HDHD2: variants seen among roughly 807,000 people sequenced by gnomAD.
HDHD2 encodes the protein haloacid dehalogenase like hydrolase domain containing 2.
A neutral mutation model predicts 24.8 loss-of-function variants in HDHD2; 26 were observed. The observed-to-expected ratio is 1.05, with a 90% CI of 0.77 to 1.45. The LOEUF (loss-of-function observed/expected upper bound fraction) is 1.45. Among genes scored for constraint, HDHD2 ranks in the 40% most tolerant of loss-of-function variants. HDHD2 has a pLI of 0.00. For missense variants in HDHD2, 299 were observed against 313.4 expected, an observed-to-expected ratio of 0.95 and a Z score of 0.35; for synonymous variants, 128 against 114.9, an observed-to-expected ratio of 1.11 and a Z score of -0.73.
intron 1 of HDHD2, among the ~76,000 whole-genome samples, chr18:47,143,211 G>A (rs1360296119): frequency 6.6e-6 from 1 of 152,142 alleles, no homozygotes; most frequent in Non-Finnish European, 1.5e-5. Flanking sequence ...CAGCACTTTG[G>A]GTGGCTGAGG....
chr18:47,115,054 T>C (rs2063546633), intron 5 of HDHD2, 78 bp downstream of exon 5: 2 of 974,054 alleles, frequency 2.1e-6, no homozygotes, highest in Admixed American at 3.7e-5. Context: ...ATGTCCCCTT[T>C]CCTAAAGCAG....
intron 6 of HDHD2, chr18:47,111,920 C>A: frequency 2.1e-6 from 1 of 470,142 alleles, no homozygotes; most frequent in Non-Finnish European, 2.8e-6. Context: ...TGTAAACAGC[C>A]AATTAAATAG....
intron 4 of HDHD2, among the ~76,000 whole-genome samples, chr18:47,127,635 G>A (rs1349505683): frequency 7.5e-6 from 1 of 133,504 alleles, no homozygotes; most frequent in African/African-American, 2.9e-5. Context: ...CAAACTTTGG[G>A]TTTTTTTGTT....
chr18:47,128,152 A>C (rs908934056), intron 4 of HDHD2, among the ~76,000 whole-genome samples: 3 of 152,188 alleles, frequency 2.0e-5, no homozygotes, highest in African/African-American at 7.2e-5. Flanking sequence ...GTAATGTTTT[A>C]AGTTTATAAA....
At chr18:47,132,513 G>A (rs1275709561) in intron 3 of HDHD2, among the ~76,000 whole-genome samples, 1 of 152,104 alleles carries the variant, frequency 6.6e-6, no homozygotes, top group Non-Finnish European at 1.5e-5. Context: ...CCTCTCCATA[G>A]GCTTTGTGTC....
intron 4 of HDHD2, among the ~76,000 whole-genome samples, chr18:47,125,063 A>G (rs1280541496): frequency 6.6e-6 from 1 of 152,076 alleles, no homozygotes; most frequent in Non-Finnish European, 1.5e-5. Flanking sequence ...TTGGGAGGCT[A>G]AGGCAGGAGG....
At chr18:47,113,222 G>T (rs538535077) in intron 5 of HDHD2, among the ~76,000 whole-genome samples, 182 bp from the exon 6 acceptor site, 1 of 152,302 alleles carries the variant, frequency 6.6e-6, no homozygotes, top group Non-Finnish European at 1.5e-5. Context: ...TTCCAAATTG[G>T]GAAAGGGAAG....
chr18:47,119,305 GA>G (rs1227007047), intron 4 of HDHD2, among the ~76,000 whole-genome samples: 1 of 152,192 alleles, frequency 6.6e-6, no homozygotes, highest in African/African-American at 2.4e-5. Flanking sequence ...ATTCACAACA[GA>G]AACTCTTTCA....
intron 1 of HDHD2, chr18:47,137,172 G>A: frequency 1.4e-6 from 1 of 709,062 alleles, no homozygotes; most frequent in Non-Finnish European, 2.6e-6. Context: ...GAATGACAGG[G>A]ATTGTCAATG....
At chr18:47,118,908 A>G (rs1313004561) in intron 4 of HDHD2, among the ~76,000 whole-genome samples, 2 of 152,180 alleles carry the variant, frequency 1.3e-5, no homozygotes, top group Non-Finnish European at 2.9e-5. Flanking sequence ...AAATACAGGG[A>G]TATCTATGAG....
chr18:47,149,568 T>C (rs921124591), intron 1 of HDHD2, among the ~76,000 whole-genome samples: 11 of 152,158 alleles, frequency 7.2e-5, no homozygotes, highest in African/African-American at 2.7e-4. Flanking sequence ...AGTTCCATGG[T>C]ACTGCAGGCG....
chr18:47,107,484 C>T lies in HDHD2; in HGVS notation c.*1198G>A, dbSNP rs1050978437. On this transcript the variant is annotated 3_prime_UTR_variant, in exon 7 of 7. Transcript: ENST00000300605. ...TGATCTCTAAACAAGCATCAAAACC[C>T]GAAGCTCATTAACATCAGAGTGAGC... 1 of 152,576 alleles carries T rather than the reference C, an allele frequency of 6.6e-6. No individual in the cohort carries two copies. The highest frequency in any genetic ancestry group is 2.4e-5 in the African/African-American group (1 of 41,430). The allele number at this position is 152,576 out of a possible 1,614,324, so 9.5% of individuals were successfully genotyped here. A position where few individuals can be genotyped will look rare whatever the true frequency, so the allele number is the denominator to read the frequency against.
chr18:47,128,238 C>T (rs765927741), intron 4 of HDHD2, among the ~76,000 whole-genome samples: 1 of 152,188 alleles, frequency 6.6e-6, no homozygotes, highest in Middle Eastern at 3.2e-3. Flanking sequence ...TGTCAACATA[C>T]ATTTTTATTT....
At chr18:47,122,623 A>G (rs1335416790) in intron 4 of HDHD2, among the ~76,000 whole-genome samples, 1 of 152,210 alleles carries the variant, frequency 6.6e-6, no homozygotes, top group Non-Finnish European at 1.5e-5. Context: ...GTTCAAACTA[A>G]AACTAGTGAA....
rs2063548024 is a variant in HDHD2, at chr18:47,115,190, A to G, written c.554T>C (p.Phe185Ser). ...TVVGKPEKTF[F>S]LEALRGTGCE... Reference sequence around the variant, plus strand: ...GCCAGTGCCCCGCAATGCTTCCAAAAAGAACGTCTTCTCTGGTTTCCCCAC... The same window carrying G: ...GCCAGTGCCCCGCAATGCTTCCAAAGAGAACGTCTTCTCTGGTTTCCCCAC... The change falls in exon 5 of 7, where the codon TTT becomes TCT. Residue 185 changes from phenylalanine (F) to serine (S), a missense_variant. Physicochemically the swap from Phe to Ser is radical, Grantham distance 155 (BLOSUM62 -2). Transcript: ENST00000300605. 1 of 1,613,926 alleles carries G rather than the reference A, an allele frequency of 6.2e-7. No individual in the cohort carries two copies. Among genetic ancestry groups the G allele is most frequent in the Non-Finnish European group, 8.5e-7 (1 of 1,179,908 alleles).
intron 3 of HDHD2, among the ~76,000 whole-genome samples, chr18:47,131,363 A>G (rs542631568): frequency 6.6e-6 from 1 of 152,164 alleles, no homozygotes; most frequent in Admixed American, 6.5e-5. Context: ...TTGGCTGCAG[A>G]TATCCAGGCT....
Position 47,134,571 on chromosome 18 carries a change from C to G in HDHD2, c.235G>C (p.Ala79Pro). Reference sequence around the variant, plus strand: ...TGTTTCCGCTCTAGTAAACTTCTGGCTGCAGTCAGAGATGTGAATATTTCA... The same window carrying G: ...TGTTTCCGCTCTAGTAAACTTCTGGGTGCAGTCAGAGATGTGAATATTTCA... ...EDEIFTSLTA[A>P]RSLLERKQVR... Residue 79 changes from alanine (A) to proline (P), a missense_variant, in exon 3 of 7, where the codon GCC (alanine) becomes CCC (proline). Transcript: ENST00000300605. 1 of 1,614,118 alleles carries G rather than the reference C, an allele frequency of 6.2e-7. No individual in the cohort carries two copies. The highest frequency in any genetic ancestry group is 8.5e-7 in the Non-Finnish European group (1 of 1,179,976).
At chr18:47,111,296 G>C (rs1049629376) in intron 6 of HDHD2, 12 of 984,676 alleles carry the variant, frequency 1.2e-5, no homozygotes, top group Non-Finnish European at 1.4e-5. Context: ...CCAGCTGGGG[G>C]AGCTGGGCCC....
In HDHD2 at chr18:47,138,067, G is replaced by A. The variant is rs563257493; in HGVS notation, c.-10-1618C>T. On this transcript the variant is annotated intron_variant, in intron 1 of 6. Transcript: ENST00000300605. ...TGTAATCCCAGCTACTAGGGAGGCT[G>A]AGAATGAGGCAGGAGAATCACTTGA... Among the ~76,000 whole-genome samples the A allele has an allele frequency of 2.7e-5, 4 of 148,776 alleles. No homozygotes were observed. In the South Asian group the frequency reaches 6.6e-4, roughly 25 times the overall value.
Sources: allele counts gnomAD v4.1 joint callset (sites outside exome capture counted in the v4.1 genomes callset), GRCh38; gene constraint gnomAD v4.1.1; transcripts MANE v1.5; gene names NCBI Gene and HGNC (gene_info 2026-07-23, HGNC 2026-07-21).